Variants in LNX2 observed in about 807,000 individuals in gnomAD.
LNX2 encodes ligand of Numb protein X 2.
A neutral mutation model predicts 66.2 loss-of-function variants in LNX2; 35 were observed. The ratio of observed to expected loss-of-function variants is 0.53; its 90% CI spans 0.40 to 0.70. The LOEUF is 0.70. LNX2 is among the 30% of genes least tolerant of loss of function. The pLI, the probability that LNX2 is intolerant of heterozygous loss-of-function variation, is 0.00. For missense variants in LNX2, 791 were observed against 850.8 expected (o/e 0.93, Z 0.87); for synonymous variants, 337 against 315.6 (o/e 1.07, Z -0.72).
At chr13:27,578,328 T>C (rs1358329073) in intron 2 of LNX2, among the ~76,000 whole-genome samples, 1 of 152,182 alleles carries the variant, frequency 6.6e-6, no homozygotes, top group African/African-American at 2.4e-5. Context: ...GATGCTAAAA[T>C]CTTATGAATT....
At chr13:27,560,066 T>C (rs926500312) in intron 5 of LNX2, 81 bp from the exon 6 acceptor site, 6 of 1,282,812 alleles carry the variant, frequency 4.7e-6, no homozygotes, top group Non-Finnish European at 5.3e-6. Flanking sequence ...TAATTTTCAA[T>C]GAACTTCTTA....
intron 1 of LNX2, among the ~76,000 whole-genome samples, chr13:27,590,415 C>T (rs187073052): frequency 2.0e-3 from 306 of 151,906 alleles, no homozygotes; most frequent in African/African-American, 7.0e-3. Flanking sequence ...GATGGGTTTT[C>T]GCTATGTTGG....
intron 7 of LNX2, 55 bp from the exon 8 acceptor site, chr13:27,553,494 A>C: frequency 7.3e-7 from 1 of 1,366,268 alleles, no homozygotes; most frequent in Non-Finnish European, 1.0e-6. Context: ...TTTCACCTGC[A>C]AATCTTGTTG....
At chr13:27,550,167 T>C (rs192116852) in intron 9 of LNX2, among the ~76,000 whole-genome samples, 166 bp downstream of exon 9, 47 of 152,222 alleles carry the variant, frequency 3.1e-4, no homozygotes, top group Admixed American at 8.5e-4. Flanking sequence ...GCTGGTGTAG[T>C]GTGGGAGCCA....
intron 1 of LNX2, among the ~76,000 whole-genome samples, chr13:27,583,229 T>C (rs1348383480): frequency 0.13 from 2,479 of 19,224 alleles, 685 homozygotes; most frequent in African/African-American, 0.37. Flanking sequence ...TGTGTGTGTG[T>C]GTGTGTGTGT....
chr13:27,570,030 T>C (rs575735350), intron 2 of LNX2, among the ~76,000 whole-genome samples: 2 of 152,352 alleles, frequency 1.3e-5, no homozygotes, highest in Admixed American at 6.5e-5. Flanking sequence ...TTTAAACTTA[T>C]AATCAAGGAA....
chr13:27,610,834 A>G (rs998554916), intron 1 of LNX2, among the ~76,000 whole-genome samples: 2 of 152,228 alleles, frequency 1.3e-5, no homozygotes, highest in African/African-American at 4.8e-5. Context: ...AAAATGATAC[A>G]GAAATGGCCA....
At chr13:27,600,829 A>G (rs1002182759) in intron 1 of LNX2, among the ~76,000 whole-genome samples, 9 of 152,178 alleles carry the variant, frequency 5.9e-5, no homozygotes, top group African/African-American at 2.2e-4. Context: ...CCTATGCTGA[A>G]CCAATCACAG....
intron 8 of LNX2, among the ~76,000 whole-genome samples, chr13:27,551,074 A>C (rs1170442577): frequency 1.3e-5 from 2 of 152,214 alleles, no homozygotes; most frequent in African/African-American, 4.8e-5. Flanking sequence ...TCTAATTGCC[A>C]AAATAGAGAA....
Position 27,593,734 on chromosome 13 carries a change from T to TTGTGTG in LNX2, c.-100-11937_-100-11932dup, listed in dbSNP as rs373386821. On this transcript the variant is annotated intron_variant, in intron 1 of 9. Coordinates refer to ENST00000316334, the MANE Select transcript of LNX2 (RefSeq NM_153371.4). ...AGGCGCCCACCACCACGCCTGGTTT[T>TTGTGTG]TGTGTGTGTGTGTGTGTGTGTTCTT... Among the ~76,000 whole-genome samples, 22 of 143,922 alleles carry TTGTGTG rather than the reference T, an allele frequency of 1.5e-4. No individual in the cohort carries two copies. The South Asian group carries it at 2.4e-3, about 16-fold the overall frequency. 94.4% of individuals were successfully genotyped at this position (143,922 alleles called of 152,430 possible). A position where few individuals can be genotyped will look rare whatever the true frequency, so the allele number is the denominator to read the frequency against.
chr13:27,550,279 A>G lies in LNX2; in HGVS notation c.1937+54T>C, dbSNP rs1183448780. On this transcript the variant is annotated intron_variant, in intron 9 of 9. Coordinates refer to ENST00000316334, the MANE Select transcript of LNX2 (RefSeq NM_153371.4). ...TGCTGACCCCTGACCCCTGGTCTAGATCATGTCCAATGTCATCAACATGAA... is the reference window on the plus strand; with the variant it reads ...TGCTGACCCCTGACCCCTGGTCTAGGTCATGTCCAATGTCATCAACATGAA... 2.6e-6 allele frequency: 4 copies of G among 1,521,016 alleles called. No individual in the cohort carries two copies. In the South Asian group the frequency reaches 3.5e-5, roughly 13 times the overall value. 94.2% of individuals were successfully genotyped at this position (1,521,016 alleles called of 1,614,324 possible). A position where few individuals can be genotyped will look rare whatever the true frequency, so the allele number is the denominator to read the frequency against.
chr13:27,564,281 A>G (rs563210525), intron 4 of LNX2, among the ~76,000 whole-genome samples: 1 of 152,336 alleles, frequency 6.6e-6, no homozygotes, highest in East Asian at 1.9e-4. Context: ...AAATTCAGAG[A>G]AAGCAGAAAC....
chr13:27,583,169 A>AGT (rs763165039), intron 1 of LNX2, among the ~76,000 whole-genome samples: 10 of 44,108 alleles, frequency 2.3e-4, no homozygotes, highest in African/African-American at 3.7e-4. Flanking sequence ...TCAGAGCAGC[A>AGT]GTGTGTGTGT....
At chr13:27,619,840 A>T (rs894448111) in intron 1 of LNX2, among the ~76,000 whole-genome samples, 1 of 152,306 alleles carries the variant, frequency 6.6e-6, no homozygotes, top group East Asian at 1.9e-4. Flanking sequence ...GGAAGATGTC[A>T]AATCTCTCTC....
intron 2 of LNX2, among the ~76,000 whole-genome samples, chr13:27,573,774 C>G (rs559251010): frequency 6.6e-6 from 1 of 152,052 alleles, no homozygotes; most frequent in East Asian, 1.9e-4. Context: ...ATAAGAGTCA[C>G]ATAGCAAACA....
chr13:27,610,094 A>T (rs1955757645), intron 1 of LNX2, among the ~76,000 whole-genome samples: 1 of 152,242 alleles, frequency 6.6e-6, no homozygotes, highest in Non-Finnish European at 1.5e-5. Flanking sequence ...GAAATCTATT[A>T]AATAGCCTTC....
chr13:27,549,852 T>C (rs1012668715), intron 9 of LNX2, among the ~76,000 whole-genome samples: 1 of 152,150 alleles, frequency 6.6e-6, no homozygotes, highest in Non-Finnish European at 1.5e-5. Flanking sequence ...CAGGTAGAGA[T>C]GAGTGCTATG....
chr13:27,568,854 G>A (rs147605215), intron 3 of LNX2, among the ~76,000 whole-genome samples, 175 bp downstream of exon 3: 1 of 152,148 alleles, frequency 6.6e-6, no homozygotes, highest in East Asian at 1.9e-4. Context: ...TGTTAGAATT[G>A]TACAATGAAA....
chr13:27,548,541 T>C (rs775766316), intron 9 of LNX2, 71 bp from the exon 10 acceptor site: 104 of 1,512,628 alleles, frequency 6.9e-5, no homozygotes, highest in Non-Finnish European at 8.6e-5. Context: ...TTGAGATTTA[T>C]GTAGCATGAA....
Sources: allele counts gnomAD v4.1 joint callset (sites outside exome capture counted in the v4.1 genomes callset), GRCh38; gene constraint gnomAD v4.1.1; transcripts MANE v1.5; gene names NCBI Gene and HGNC (gene_info 2026-07-23, HGNC 2026-07-21).